The following RUNDC3B variants were observed in gnomAD, a reference collection of about 807,000 sequenced individuals.
The protein encoded by RUNDC3B is RUN domain-containing protein 3B.
In RUNDC3B, 33 loss-of-function variants were observed where a neutral mutation model predicts 58.4. The observed-to-expected ratio is 0.56, with a 90% CI of 0.43 to 0.75. The LOEUF (loss-of-function observed/expected upper bound fraction) is 0.75, where lower values mean the gene tolerates loss of function less well. Among genes scored for constraint, RUNDC3B ranks in the 30% least tolerant of loss-of-function variants. The pLI, the probability that RUNDC3B is intolerant of heterozygous loss-of-function variation, is 0.00. For synonymous variants in RUNDC3B, 193 were observed against 195.2 expected (o/e 0.99, Z 0.10); for missense variants, 501 against 535.7 (o/e 0.94, Z 0.64).
intron 1 of RUNDC3B, 186 bp downstream of exon 1, chr7:87,629,131 G>T: frequency 2.1e-6 from 1 of 465,464 alleles, no homozygotes. Context: ...CACCGTCGCA[G>T]CCCTGGACTT....
At chr7:87,761,062 T>C (rs539405702) in intron 6 of RUNDC3B, among the ~76,000 whole-genome samples, 2 of 151,920 alleles carry the variant, frequency 1.3e-5, no homozygotes, top group South Asian at 4.1e-4. Context: ...GGAGAAAATT[T>C]TTGCAAATCA....
intron 4 of RUNDC3B, among the ~76,000 whole-genome samples, chr7:87,727,566 C>G (rs571470278): frequency 6.6e-6 from 1 of 151,242 alleles, no homozygotes; most frequent in Non-Finnish European, 1.5e-5. Flanking sequence ...TACCTGATTG[C>G]ATGCATCTGT....
In RUNDC3B at chr7:87,783,238, A is replaced by G. The variant is rs115410848; in HGVS notation, c.956+5283A>G. ...TTTTTGTTGTATTGAACTCTTTATC[A>G]TTATGTAATGACCGTAATGACCTTC... On this transcript the variant is annotated intron_variant, in intron 8 of 10. Transcript: ENST00000394654. Among the ~76,000 whole-genome samples, 1,089 of 151,876 alleles carry G rather than the reference A, an allele frequency of 7.2e-3. 10 individuals carry two copies. The highest frequency in any genetic ancestry group is 0.025 in the African/African-American group (1,032 of 41,434).
chr7:87,694,158 T>C, intron 2 of RUNDC3B: 1 of 471,142 alleles, frequency 2.1e-6, no homozygotes, highest in Non-Finnish European at 2.8e-6. Context: ...AAAATTAAAA[T>C]CTTGTAAATC....
intron 8 of RUNDC3B, among the ~76,000 whole-genome samples, chr7:87,789,208 T>C (rs1369956555): frequency 2.0e-5 from 3 of 152,234 alleles, no homozygotes. Context: ...TTGTTTTCTA[T>C]TTTGTTTTCC....
chr7:87,668,972 C>T (rs557385599), intron 2 of RUNDC3B, among the ~76,000 whole-genome samples: 6 of 152,164 alleles, frequency 3.9e-5, no homozygotes, highest in African/African-American at 1.4e-4. Context: ...GTGGAGAGTT[C>T]TATAGAGGTG....
chr7:87,793,579 A>G (rs1047893151), intron 8 of RUNDC3B, among the ~76,000 whole-genome samples: 5 of 152,156 alleles, frequency 3.3e-5, no homozygotes, highest in African/African-American at 1.2e-4. Flanking sequence ...TAAAAACCAT[A>G]TGATCATTTC....
rs558591799 is a variant in RUNDC3B, at chr7:87,650,366, C to T, written c.123-456C>T. Among the ~76,000 whole-genome samples the T allele has an allele frequency of 8.5e-5, 13 of 152,090 alleles. No homozygotes were observed. The East Asian group carries it at 1.4e-3, about 16-fold the overall frequency. ...TTCTGCAGGCTGGGAAGGCTGAGAT[C>T]GGGGCACCATCAGATTGGGTGTCTG... On this transcript the variant is annotated intron_variant, in intron 1 of 10. Coordinates refer to ENST00000394654, the MANE Select transcript of RUNDC3B (RefSeq NM_001134405.2).
intron 4 of RUNDC3B, among the ~76,000 whole-genome samples, chr7:87,726,685 T>C (rs1584019069): frequency 6.6e-6 from 1 of 152,228 alleles, no homozygotes. Context: ...CCTTGGGCTG[T>C]ATGGCCATTT....
chr7:87,653,994 A>T (rs1039343618), intron 2 of RUNDC3B, among the ~76,000 whole-genome samples: 1 of 152,060 alleles, frequency 6.6e-6, no homozygotes, highest in African/African-American at 2.4e-5. Flanking sequence ...CTTATATTTT[A>T]TTTCTCTAAG....
rs1181240506 is a variant in RUNDC3B, at chr7:87,830,910, T to C, written c.*880T>C. 6.6e-6 allele frequency: 1 copy of C among 151,798 alleles called. No individual in the cohort carries two copies. The highest frequency in any genetic ancestry group is 1.5e-5 in the Non-Finnish European group (1 of 67,820). The allele number at this position is 151,798 out of a possible 1,614,324, so 9.4% of individuals were successfully genotyped here. Reference sequence around the variant, plus strand: ...AAGGATCAGTAGGATAGTTATCATATTTACTTAATATATGTCTGATATTCA... The same window carrying C: ...AAGGATCAGTAGGATAGTTATCATACTTACTTAATATATGTCTGATATTCA... On this transcript the variant is annotated 3_prime_UTR_variant, in exon 11 of 11. Coordinates refer to ENST00000394654, the MANE Select transcript of RUNDC3B (RefSeq NM_001134405.2).
At chr7:87,679,938 A>G (rs893386340) in intron 2 of RUNDC3B, among the ~76,000 whole-genome samples, 2 of 150,540 alleles carry the variant, frequency 1.3e-5, no homozygotes, top group African/African-American at 4.9e-5. Context: ...TTTTAAACAA[A>G]TTATACTTTA....
chr7:87,807,690 A>G (rs1000734136), intron 9 of RUNDC3B, among the ~76,000 whole-genome samples, 171 bp downstream of exon 9: 3 of 152,162 alleles, frequency 2.0e-5, no homozygotes, highest in Admixed American at 2.0e-4. Context: ...TTCTTATGCC[A>G]TATTGTACCA....
chr7:87,723,062 AAAAT>A (rs767921815), intron 4 of RUNDC3B, among the ~76,000 whole-genome samples: 6 of 152,346 alleles, frequency 3.9e-5, no homozygotes, highest in Non-Finnish European at 7.3e-5. Flanking sequence ...TTTAACAAGA[AAAAT>A]AAAAGATTGA....
chr7:87,762,084 T>C (rs2130855388), intron 6 of RUNDC3B, among the ~76,000 whole-genome samples: 1 of 151,868 alleles, frequency 6.6e-6, no homozygotes, highest in East Asian at 1.9e-4. Context: ...TTTTTAGTTA[T>C]GAATACTCTG....
intron 1 of RUNDC3B, among the ~76,000 whole-genome samples, chr7:87,649,914 C>T (rs1206053197): frequency 6.6e-6 from 1 of 152,126 alleles, no homozygotes; most frequent in Non-Finnish European, 1.5e-5. Flanking sequence ...GTAAGACAAC[C>T]CTTTACTCTT....
chr7:87,690,037 C>T (rs901934050), intron 2 of RUNDC3B, among the ~76,000 whole-genome samples: 1 of 151,550 alleles, frequency 6.6e-6, no homozygotes, highest in Non-Finnish European at 1.5e-5. Flanking sequence ...ACTGTGTTGC[C>T]CAGTCTGATC....
Position 87,642,269 on chromosome 7 carries a change from G to A in RUNDC3B, c.123-8553G>A, listed in dbSNP as rs1464381102. On this transcript the variant is annotated intron_variant, in intron 1 of 10. Coordinates refer to ENST00000394654, the MANE Select transcript of RUNDC3B (RefSeq NM_001134405.2). ...GTGTGTTTGCATAGACAGAAACTGG[G>A]ACCTTTCATTTTCGTAGCATTCTAG... Among the ~76,000 whole-genome samples the A allele has an allele frequency of 3.9e-5, 6 of 152,108 alleles. No individual in the cohort carries two copies. In the East Asian group the frequency reaches 1.2e-3, roughly 29 times the overall value.
chr7:87,760,436 A>G (rs1210620220), intron 6 of RUNDC3B, among the ~76,000 whole-genome samples: 2 of 152,152 alleles, frequency 1.3e-5, no homozygotes, highest in Non-Finnish European at 2.9e-5. Flanking sequence ...TTCAGTTGCT[A>G]TCAATATTCC....
Sources: gnomAD v4.1 joint callset for allele counts (sites outside exome capture counted in the v4.1 genomes callset) on GRCh38, gnomAD v4.1.1 for gene constraint, MANE v1.5 for transcripts, NCBI Gene and HGNC (gene_info 2026-07-23, HGNC 2026-07-21) for gene names.